The following TOPAZ1 variants were observed in gnomAD, a reference collection of about 807,000 sequenced individuals.
The protein encoded by TOPAZ1 is protein TOPAZ1.
TOPAZ1 carries 66 observed loss-of-function variants against 172.2 expected under a neutral mutation model. The ratio of observed to expected loss-of-function variants is 0.38; its 90% confidence interval spans 0.31 to 0.47. The LOEUF is 0.47. Ranked by LOEUF, TOPAZ1 falls within the 20% of genes least tolerant of loss-of-function variation. The pLI is 0.99. For missense variants in TOPAZ1, 1,822 were observed against 1,972.4 expected, an observed-to-expected ratio of 0.92 and a Z score of 1.44; for synonymous variants, 681 against 683.9, an observed-to-expected ratio of 1.00 and a Z score of 0.07.
chr3:44,291,907 C>T (rs1161590623), intron 12 of TOPAZ1, among the ~76,000 whole-genome samples: 1 of 152,160 alleles, frequency 6.6e-6, no homozygotes, highest in Non-Finnish European at 1.5e-5. Flanking sequence ...GGTTCCCAAA[C>T]TTTCTTGGTT....
In TOPAZ1 at chr3:44,284,346, T is replaced by G. The variant is rs866866659; in HGVS notation, c.3436+2315T>G. 7.9e-5 allele frequency among the ~76,000 whole-genome samples: 12 copies of G among 152,322 alleles called. No homozygotes were observed. In the South Asian group the frequency reaches 1.7e-3, roughly 21 times the overall value. ...CTATGAATTTGTCTATTCTAGGTAT[T>G]TCATATAAGTAAAATTATACAATAT... On this transcript the variant is annotated intron_variant, in intron 9 of 19. Transcript: ENST00000309765.
At chr3:44,263,676 T>C (rs1225339247) in intron 5 of TOPAZ1, among the ~76,000 whole-genome samples, 2 of 152,126 alleles carry the variant, frequency 1.3e-5, no homozygotes, top group African/African-American at 4.8e-5. Context: ...CTATTTTTAG[T>C]CTCCTCTGGC....
chr3:44,276,624 C>CTTTTTTTTTTTTT lies in TOPAZ1; in HGVS notation c.3373-5327_3373-5315dup, dbSNP rs762865769. On this transcript the variant is annotated intron_variant, in intron 8 of 19. Transcript: ENST00000309765. ...GTAGTTTAATGCCTCCAGCTTTGTT[C>CTTTTTTTTTTTTT]TTTTTTTTTTTTTTTTTTTTTTTTT... 3.9e-3 allele frequency among the ~76,000 whole-genome samples: 94 copies of CTTTTTTTTTTTTT among 24,110 alleles called. 13 individuals carry two copies. Among genetic ancestry groups the CTTTTTTTTTTTTT allele is most frequent in the African/African-American group, 5.3e-3 (28 of 5,326 alleles). 15.8% of individuals were successfully genotyped at this position (24,110 alleles called of 152,430 possible). A position where few individuals can be genotyped will look rare whatever the true frequency, so the allele number is the denominator to read the frequency against.
rs1699726899 is a variant in TOPAZ1, at chr3:44,257,468, TAGTGTGTG to T, written c.2955+1191_2955+1198del. Reference sequence around the variant, plus strand: ...TGTGTATCTATTTTATATATATATATAGTGTGTGTGTGTGTGTGTGTGTGTGTGTGTGT... The same window carrying T: ...TGTGTATCTATTTTATATATATATATTGTGTGTGTGTGTGTGTGTGTGTGT... On this transcript the variant is annotated intron_variant, in intron 4 of 19. Coordinates refer to ENST00000309765, the MANE Select transcript of TOPAZ1 (RefSeq NM_001145030.2). Among the ~76,000 whole-genome samples the T allele has an allele frequency of 6.4e-5, 2 of 31,050 alleles. 1 individual carries two copies. Among genetic ancestry groups the T allele is most frequent in the African/African-American group, 2.7e-4 (2 of 7,352 alleles). 20.4% of individuals were successfully genotyped at this position (31,050 alleles called of 152,430 possible). A position where few individuals can be genotyped will look rare whatever the true frequency, so the allele number is the denominator to read the frequency against.
At chr3:44,263,292 T>A (rs1294209061) in intron 5 of TOPAZ1, among the ~76,000 whole-genome samples, 1 of 152,162 alleles carries the variant, frequency 6.6e-6, no homozygotes, top group Non-Finnish European at 1.5e-5. Flanking sequence ...AAGATTAACT[T>A]TTTTTTCTGT....
intron 12 of TOPAZ1, among the ~76,000 whole-genome samples, chr3:44,296,144 A>G (rs989739529): frequency 4.6e-5 from 7 of 152,196 alleles, no homozygotes; most frequent in Non-Finnish European, 7.4e-5. Context: ...AAGTTTCAAA[A>G]CTAAGTGAAC....
chr3:44,261,796 G>A (rs1040296479), intron 4 of TOPAZ1, among the ~76,000 whole-genome samples: 2 of 152,122 alleles, frequency 1.3e-5, no homozygotes, highest in African/African-American at 2.4e-5. Flanking sequence ...ATCATGGAAT[G>A]TTTTTCCATT....
intron 5 of TOPAZ1, among the ~76,000 whole-genome samples, chr3:44,265,947 G>A (rs1482758499): frequency 1.3e-5 from 2 of 152,140 alleles, no homozygotes; most frequent in Non-Finnish European, 2.9e-5. Flanking sequence ...CCGGTATAAG[G>A]CAGTTTTGTC....
chr3:44,283,705 CTCCT>C (rs1394745833), intron 9 of TOPAZ1, among the ~76,000 whole-genome samples: 1 of 151,668 alleles, frequency 6.6e-6, no homozygotes, highest in African/African-American at 2.4e-5. Context: ...TGTTCTCTCT[CTCCT>C]TCCTTCCATA....
Position 44,243,136 on chromosome 3 carries a change from T to C in TOPAZ1, c.630T>C (p.Ser210=). Residue 210 remains serine, a synonymous_variant, in exon 2 of 20, where the codon TCT becomes TCC. Transcript: ENST00000309765. ...TGTACAAGAATACTCCAAAATATTC[T>C]TGTAATATCTTGTCACCTGAAGTAG... ...DELYKNTPKY[S]CNILSPEVEN... is the part of the protein sequence containing the mutation. 6.5e-7 allele frequency: 1 copy of C among 1,549,370 alleles called. No individual in the cohort carries two copies. The highest frequency in any genetic ancestry group is 8.7e-7 in the Non-Finnish European group (1 of 1,145,736).
At chr3:44,334,571 T>C (rs890778338), downstream of TOPAZ1, among the ~76,000 whole-genome samples, 26 of 152,084 alleles carry the variant, frequency 1.7e-4, no homozygotes, top group African/African-American at 6.3e-4. Flanking sequence ...ATCTGGAAGA[T>C]AGAAACTTAA....
In TOPAZ1 at chr3:44,242,037, G is replaced by A; in HGVS notation, c.-17G>A. 1 of 1,538,350 alleles carries A rather than the reference G, an allele frequency of 6.5e-7. No homozygotes were observed. The highest frequency in any genetic ancestry group is 8.7e-7 in the Non-Finnish European group (1 of 1,145,150). ...GAGCTGGTGCAGAGGGGCCCCAGCG[G>A]GCCGGCCCCGGGGCACATGCGACGA... On this transcript the variant is annotated 5_prime_UTR_variant, in exon 1 of 20. Transcript: ENST00000309765.
Position 44,243,263 on chromosome 3 carries a change from A to C in TOPAZ1, c.757A>C (p.Met253Leu). ...GCCATATAAACCTGATGGTGGATGT[A>C]TGCATGTAGCAGAAAATTTCTCAAA... ...NLPYKPDGGC[M>L]HVAENFSKKE... Residue 253 changes from methionine to leucine, a missense_variant, in exon 2 of 20, where the codon ATG (methionine) becomes CTG (leucine). Transcript: ENST00000309765. 1 of 1,551,590 alleles carries C rather than the reference A, an allele frequency of 6.4e-7. No homozygotes were observed. The highest frequency in any genetic ancestry group is 1.2e-5 in the South Asian group (1 of 84,036).
intron 2 of TOPAZ1, among the ~76,000 whole-genome samples, chr3:44,251,266 G>A (rs1699627251): frequency 6.6e-6 from 1 of 152,078 alleles, no homozygotes; most frequent in Non-Finnish European, 1.5e-5. Flanking sequence ...GGCTACAGGT[G>A]CATGCCGCCA....
downstream of TOPAZ1, among the ~76,000 whole-genome samples, chr3:44,335,936 C>A (rs1362923617): frequency 1.3e-5 from 2 of 152,154 alleles, no homozygotes; most frequent in Admixed American, 1.3e-4. Context: ...TGTTTAGTTA[C>A]CACAATTGTC....
At chr3:44,290,680 C>G (rs1160138218) in intron 11 of TOPAZ1, 91 bp from the exon 12 acceptor site, 1 of 703,944 alleles carries the variant, frequency 1.4e-6, no homozygotes, top group Non-Finnish European at 2.4e-6. Flanking sequence ...TTCACTTCTT[C>G]CATTAGTGTC....
intron 4 of TOPAZ1, among the ~76,000 whole-genome samples, chr3:44,258,153 C>A (rs1007094027): frequency 1.3e-5 from 2 of 152,080 alleles, no homozygotes; most frequent in Non-Finnish European, 2.9e-5. Context: ...TGATTTGAAA[C>A]CATTATTATT....
intron 2 of TOPAZ1, among the ~76,000 whole-genome samples, chr3:44,245,729 C>T (rs1009698890): frequency 2.6e-5 from 4 of 151,836 alleles, no homozygotes; most frequent in East Asian, 1.9e-4. Flanking sequence ...TTAGTAGACA[C>T]GGGGTTTCAC....
chr3:44,243,560 G>A lies in TOPAZ1; in HGVS notation c.1054G>A (p.Glu352Lys). 2 of 1,551,226 alleles carry A rather than the reference G, an allele frequency of 1.3e-6. No homozygotes were observed. The highest frequency in any genetic ancestry group is 1.7e-6 in the Non-Finnish European group (2 of 1,146,958). The part of the protein sequence containing the change: ...ETVTEMNFSN[E>K]YNKSELMLQE... ...AGTTACTGAGATGAACTTCTCTAAT[G>A]AGTATAACAAGTCTGAGTTGATGTT... Residue 352 changes from glutamate to lysine, a missense_variant, in exon 2 of 20, where the codon GAG (glutamate) becomes AAG (lysine). Glu to Lys is a moderately conservative substitution (Grantham distance 56, BLOSUM62 1). Transcript: ENST00000309765.
Sources: gnomAD v4.1 joint callset for allele counts (sites outside exome capture counted in the v4.1 genomes callset) on GRCh38, gnomAD v4.1.1 for gene constraint, MANE v1.5 for transcripts, NCBI Gene and HGNC (gene_info 2026-07-23, HGNC 2026-07-21) for gene names.